Variants in DPP6 observed in about 807,000 individuals in gnomAD.
DPP6 encodes A-type potassium channel modulatory protein DPP6.
In DPP6, 69 loss-of-function variants were observed where a neutral mutation model predicts 122.6. The ratio of observed to expected loss-of-function variants is 0.56; its 90% CI spans 0.46 to 0.69. The LOEUF (loss-of-function observed/expected upper bound fraction) is 0.69, where lower values mean the gene tolerates loss of function less well. Among genes scored for constraint, DPP6 ranks in the 30% least tolerant of loss-of-function variants. The probability of loss-of-function intolerance (pLI) is 0.00; values close to 1 mark genes in which losing one functional copy is unlikely to be tolerated. For missense variants in DPP6, 928 were observed against 1,116.9 expected, an observed-to-expected ratio of 0.83 and a Z score of 2.41; for synonymous variants, 418 against 433.1, an observed-to-expected ratio of 0.97 and a Z score of 0.43.
the DPP6 span, among the ~76,000 whole-genome samples, chr7:153,864,462 C>G: frequency 1.3e-5 from 2 of 152,050 alleles, no homozygotes; most frequent in African/African-American, 4.8e-5. Context: ...CAAGACCAGA[C>G]TGGCCAACAT....
In DPP6 at chr7:154,062,564, A is replaced by G. The variant is rs867874572; in HGVS notation, c.243+9501A>G. Among the ~76,000 whole-genome samples, 32 of 7,660 alleles carry G rather than the reference A, an allele frequency of 4.2e-3. 1 individual carries two copies. Among genetic ancestry groups the G allele is most frequent in the African/African-American group, 0.02 (25 of 1,226 alleles). 5.0% of individuals were successfully genotyped at this position (7,660 alleles called of 152,430 possible). ...CCCTGGCTTTTGGTACCCCCATCGC[A>G]GGGGGGGGAGGCACCCTCCGCTAGG... On this transcript the variant is annotated intron_variant, in intron 1 of 25. Coordinates refer to ENST00000377770, the MANE Select transcript of DPP6 (RefSeq NM_130797.4).
chr7:154,717,511 T>G (rs962928173), intron 7 of DPP6, among the ~76,000 whole-genome samples: 5 of 152,246 alleles, frequency 3.3e-5, no homozygotes, highest in African/African-American at 1.2e-4. Context: ...TTTTTGTACC[T>G]GGCTTATTTC....
chr7:154,361,603 CAAAAAAAAAAAA>C (rs34342809), intron 1 of DPP6, among the ~76,000 whole-genome samples: 1 of 57,976 alleles, frequency 1.7e-5, no homozygotes, highest in African/African-American at 5.1e-5. Flanking sequence ...AATTGCTAGC[CAAAAAAAAAAAA>C]AAAAAAAAAG....
chr7:154,698,795 C>T (rs12719587), intron 7 of DPP6, among the ~76,000 whole-genome samples: 3,969 of 152,306 alleles, frequency 0.026, 62 homozygotes, highest in Non-Finnish European at 0.04. Flanking sequence ...CAGCCAGGAG[C>T]TAGTCTCAGG....
intron 16 of DPP6, among the ~76,000 whole-genome samples, chr7:154,813,993 GCCTCAGCCT>G (rs1425749696): frequency 7.0e-6 from 1 of 143,846 alleles, no homozygotes; most frequent in African/African-American, 2.6e-5. Flanking sequence ...CAATTCTCCT[GCCTCAGCCT>G]CTTGAGTAGC....
At chr7:154,451,639 G>A (rs960545043) in intron 2 of DPP6, among the ~76,000 whole-genome samples, 2 of 152,200 alleles carry the variant, frequency 1.3e-5, no homozygotes, top group Non-Finnish European at 2.9e-5. Context: ...GTAAACAGAG[G>A]ATGCAGTTGC....
Position 154,457,984 on chromosome 7 carries a change from AAAAG to A in DPP6, c.358+11659_358+11662del, listed in dbSNP as rs201624527. On this transcript the variant is annotated intron_variant, in intron 2 of 25. Coordinates refer to ENST00000377770, the MANE Select transcript of DPP6 (RefSeq NM_130797.4). Reference sequence around the variant, plus strand: ...ACTTAGAGTATAATAAAAAAAAAAAAAAAGAAGGAAATAGAGGGAGATTTGACAC... The same window carrying A: ...ACTTAGAGTATAATAAAAAAAAAAAAAAGGAAATAGAGGGAGATTTGACAC... Among the ~76,000 whole-genome samples, 362 of 151,198 alleles carry A rather than the reference AAAAG, an allele frequency of 2.4e-3. 72 individuals carry two copies. The highest frequency in any genetic ancestry group is 8.4e-3 in the African/African-American group (343 of 41,002).
intron 5 of DPP6, among the ~76,000 whole-genome samples, chr7:154,597,888 C>T (rs1833196488): frequency 6.6e-6 from 1 of 152,116 alleles, no homozygotes; most frequent in Non-Finnish European, 1.5e-5. Context: ...TGGTGCTCTC[C>T]TTGTGTGCAT....
intron 6 of DPP6, among the ~76,000 whole-genome samples, chr7:154,665,968 C>G: frequency 6.6e-6 from 1 of 151,888 alleles, no homozygotes; most frequent in Non-Finnish European, 1.5e-5. Flanking sequence ...CTGGGAGAAA[C>G]AAATTTACTC....
chr7:153,791,129 ATG>A, the DPP6 span, among the ~76,000 whole-genome samples: 2 of 152,196 alleles, frequency 1.3e-5, no homozygotes, highest in Non-Finnish European at 2.9e-5. Context: ...GGGAAATTAT[ATG>A]TGTTTTGTTG....
intron 1 of DPP6, among the ~76,000 whole-genome samples, chr7:154,394,115 T>C (rs1359550876): frequency 1.3e-5 from 2 of 152,208 alleles, no homozygotes; most frequent in Non-Finnish European, 2.9e-5. Context: ...AGAAGTGGAA[T>C]TGCTGGATCA....
chr7:153,924,166 A>C (rs1800780049), intron 1 of DPP6, among the ~76,000 whole-genome samples: 1 of 151,008 alleles, frequency 6.6e-6, no homozygotes, highest in African/African-American at 2.4e-5. Flanking sequence ...ACCAGGCTGG[A>C]GTGCAATGGC....
At chr7:153,964,991 CCTTCCTTT>C (rs761784532) in intron 1 of DPP6, among the ~76,000 whole-genome samples, 1,906 of 57,136 alleles carry the variant, frequency 0.033, 128 homozygotes, top group African/African-American at 0.066. Context: ...TTCCTTCCTT[CCTTCCTTT>C]CTTCCTTCCT....
At chr7:154,562,107 A>G (rs1415658358) in intron 4 of DPP6, among the ~76,000 whole-genome samples, 1 of 152,176 alleles carries the variant, frequency 6.6e-6, no homozygotes. Flanking sequence ...GGGCAGTATT[A>G]CCCTGAAATA....
At chr7:154,415,680 A>C (rs1816958940) in intron 1 of DPP6, among the ~76,000 whole-genome samples, 1 of 150,802 alleles carries the variant, frequency 6.6e-6, no homozygotes, top group African/African-American at 2.4e-5. Flanking sequence ...GAACTCTTTT[A>C]GAAGAATAAA....
intron 5 of DPP6, among the ~76,000 whole-genome samples, chr7:154,571,216 G>A (rs1307098958): frequency 2.0e-5 from 3 of 152,062 alleles, no homozygotes; most frequent in Non-Finnish European, 4.4e-5. Context: ...TAAAACAAAT[G>A]TATCTAATTA....
At chr7:153,966,367 C>T (rs968419843) in intron 1 of DPP6, among the ~76,000 whole-genome samples, 33 of 150,346 alleles carry the variant, frequency 2.2e-4, no homozygotes, top group African/African-American at 4.2e-4. Flanking sequence ...AGAAAACACG[C>T]ATCCTCACCC....
At chr7:154,842,622 A>G (rs6969339) in intron 16 of DPP6, among the ~76,000 whole-genome samples, 1,775 of 152,300 alleles carry the variant, frequency 0.012, 28 homozygotes, top group African/African-American at 0.041. Flanking sequence ...GGATCTTTAC[A>G]GGGCAAAAAC....
chr7:154,365,747 A>T (rs1008618639), intron 1 of DPP6, among the ~76,000 whole-genome samples: 4 of 151,812 alleles, frequency 2.6e-5, no homozygotes, highest in African/African-American at 9.7e-5. Flanking sequence ...AGGTCAGGAG[A>T]TCGAGACCAT....
Sources: allele counts gnomAD v4.1 joint callset (sites outside exome capture counted in the v4.1 genomes callset), GRCh38; gene constraint gnomAD v4.1.1; transcripts MANE v1.5; gene names NCBI Gene and HGNC (gene_info 2026-07-23, HGNC 2026-07-21).